KIAA0586: variants seen among roughly 807,000 people sequenced by gnomAD.
KIAA0586 encodes protein TALPID3.
A neutral mutation model predicts 169.8 loss-of-function variants in KIAA0586; 144 were observed. That is an observed-to-expected ratio of 0.85 (90% CI 0.74 to 0.97). The LOEUF (loss-of-function observed/expected upper bound fraction) is 0.97. KIAA0586 is among the 50% of genes least tolerant of loss of function. The pLI is 0.00. For synonymous variants in KIAA0586, 625 were observed against 612.4 expected (o/e 1.02, Z -0.30); for missense variants, 1,854 against 1,823.0 (o/e 1.02, Z -0.31).
At chr14:58,443,159 T>TA (rs1345905729) in intron 5 of KIAA0586, among the ~76,000 whole-genome samples, 2 of 152,204 alleles carry the variant, frequency 1.3e-5, no homozygotes, top group Non-Finnish European at 2.9e-5. Context: ...GCAACCTGGA[T>TA]AATCGGTTAT....
Position 58,540,103 on chromosome 14 carries a change from G to T in KIAA0586, c.4462G>T (p.Glu1488Ter), listed in dbSNP as rs868681880. ...SPGDMDRTQI[E>*]LNPYLTCVFS... ...AGGTGATATGGATCGGACACAAATT[G>T]AGCTTAATCCGTACCTCACATGTGT... The change falls in exon 30 of 31, where the codon GAG becomes TAG. Residue 1488 changes from glutamate to a stop codon, truncating the protein, a stop_gained. Coordinates refer to ENST00000652326, the MANE Select transcript of KIAA0586 (RefSeq NM_001329943.3). LOFTEE classifies it low-confidence loss of function (END_TRUNC). 2 of 1,563,428 alleles carry T rather than the reference G, an allele frequency of 1.3e-6. No individual in the cohort carries two copies. Among genetic ancestry groups the T allele is most frequent in the East Asian group, 2.3e-5 (1 of 42,976 alleles).
At chr14:58,435,016 TG>T (rs752330331) in intron 4 of KIAA0586, among the ~76,000 whole-genome samples, 31 of 152,318 alleles carry the variant, frequency 2.0e-4, no homozygotes, top group East Asian at 1.9e-4. Context: ...CTCAAACTCC[TG>T]GGCACAAGAA....
At chr14:58,431,899 A>G (rs2037404877) in intron 3 of KIAA0586, among the ~76,000 whole-genome samples, 1 of 152,190 alleles carries the variant, frequency 6.6e-6, no homozygotes, top group Non-Finnish European at 1.5e-5. Flanking sequence ...TAGAAACGCT[A>G]CTGATTTTTG....
chr14:58,542,261 G>A (rs370882841), intron 30 of KIAA0586, among the ~76,000 whole-genome samples: 34 of 152,080 alleles, frequency 2.2e-4, no homozygotes, highest in African/African-American at 7.2e-4. Context: ...GGCAGATCAC[G>A]GGGTCAGGAG....
intron 29 of KIAA0586, among the ~76,000 whole-genome samples, chr14:58,527,437 G>C (rs1438356919): frequency 6.6e-6 from 1 of 152,172 alleles, no homozygotes; most frequent in Non-Finnish European, 1.5e-5. Flanking sequence ...AGGAAAAAAT[G>C]TTAAGGGCAG....
intron 30 of KIAA0586, among the ~76,000 whole-genome samples, chr14:58,546,834 T>G (rs577279202): frequency 6.6e-6 from 1 of 152,322 alleles, no homozygotes; most frequent in East Asian, 1.9e-4. Flanking sequence ...GTGGGAATTT[T>G]TTTTCATATT....
At chr14:58,552,950 T>G, downstream of KIAA0586, among the ~76,000 whole-genome samples, 1 of 152,236 alleles carries the variant, frequency 6.6e-6, no homozygotes, top group East Asian at 1.9e-4. Flanking sequence ...GGTGCTACAT[T>G]ATAAGTAAAT....
At chr14:58,439,879 G>A (rs1419524202) in intron 4 of KIAA0586, 11 of 959,596 alleles carry the variant, frequency 1.1e-5, no homozygotes, top group Admixed American at 1.2e-4. Context: ...GACTCTCTTA[G>A]GGACTCTTCA....
intron 27 of KIAA0586, among the ~76,000 whole-genome samples, chr14:58,501,253 A>C (rs896720870): frequency 8.5e-5 from 13 of 152,246 alleles, no homozygotes; most frequent in African/African-American, 3.1e-4. Flanking sequence ...TTCCCATGTG[A>C]ATAAATGTAA....
At chr14:58,467,458 A>C (rs778126998) in intron 15 of KIAA0586, among the ~76,000 whole-genome samples, 3 of 152,192 alleles carry the variant, frequency 2.0e-5, no homozygotes, top group Non-Finnish European at 4.4e-5. Flanking sequence ...AAAGTTTTTG[A>C]CATTTTAAAA....
chr14:58,458,441 A>T (rs2040050964), intron 11 of KIAA0586, 32 bp from the exon 12 acceptor site: 2 of 1,262,904 alleles, frequency 1.6e-6, no homozygotes, highest in Non-Finnish European at 2.2e-6. Flanking sequence ...AGTAAGTGCT[A>T]ATTTAAGAAA....
At chr14:58,533,757 T>C (rs1482055565) in intron 29 of KIAA0586, among the ~76,000 whole-genome samples, 1 of 152,130 alleles carries the variant, frequency 6.6e-6, no homozygotes, top group Non-Finnish European at 1.5e-5. Flanking sequence ...AACGTAGAAC[T>C]TGGACTGGCC....
At position 58,521,838 on chromosome 14, in the gene KIAA0586, C is replaced by T. The variant is rs79003445; in HGVS notation, c.4429+9211C>T. On this transcript the variant is annotated intron_variant, in intron 29 of 30. Transcript: ENST00000652326. ...GACTAATGTGAAGGTGGAGTCGGAG[C>T]GGGGTGCAGATGACTTTGCTGAGGA... 5.8e-4 allele frequency: 518 copies of T among 888,104 alleles called. 3 individuals carry two copies. The East Asian group carries it at 0.012, about 21-fold the overall frequency. 55.0% of individuals were successfully genotyped at this position (888,104 alleles called of 1,614,324 possible). A position where few individuals can be genotyped will look rare whatever the true frequency, so the allele number is the denominator to read the frequency against.
chr14:58,546,132 A>G (rs546937335), intron 30 of KIAA0586, among the ~76,000 whole-genome samples: 1 of 152,316 alleles, frequency 6.6e-6, no homozygotes, highest in East Asian at 1.9e-4. Context: ...CCTATTTGAA[A>G]TATTCTATTT....
At chr14:58,495,036 ACTGT>A (rs1035431204) in intron 26 of KIAA0586, among the ~76,000 whole-genome samples, 1 of 151,992 alleles carries the variant, frequency 6.6e-6, no homozygotes, top group Non-Finnish European at 1.5e-5. Context: ...GTTTGAGTTA[ACTGT>A]CTGTCTTTCC....
intron 29 of KIAA0586, 66 bp downstream of exon 29, chr14:58,512,693 G>T: frequency 1.1e-6 from 1 of 913,776 alleles, no homozygotes; most frequent in Non-Finnish European, 1.6e-6. Context: ...ACAAATATGA[G>T]AATTCTTTAC....
intron 29 of KIAA0586, chr14:58,521,737 A>G (rs757943009): frequency 1.2e-6 from 1 of 828,790 alleles, no homozygotes; most frequent in Admixed American, 1.7e-5. Context: ...GAAAAGGAAC[A>G]GGGGAAACAA....
chr14:58,428,332 A>G lies in KIAA0586; in HGVS notation c.68A>G (p.Glu23Gly), dbSNP rs2037028273. The change falls in exon 1 of 31, where the codon GAG becomes GGG. Residue 23 changes from glutamate to glycine, a missense_variant. Glu to Gly is a moderately conservative substitution (Grantham distance 98, BLOSUM62 -2). Coordinates refer to ENST00000652326, the MANE Select transcript of KIAA0586 (RefSeq NM_001329943.3). ...AAGATGCCAGTGAAGAGACTTCGTG[A>G]GGTAGTTTCTCAAAATCATGGAGAT... ...KIKMPVKRLR[E>G]VVSQNHGDHL... The G allele has an allele frequency of 1.2e-6, 2 of 1,613,790 alleles. No homozygotes were observed. The highest frequency in any genetic ancestry group is 2.2e-5 in the East Asian group (1 of 44,888).
At chr14:58,526,216 C>T (rs1190050252) in intron 29 of KIAA0586, among the ~76,000 whole-genome samples, 1 of 152,220 alleles carries the variant, frequency 6.6e-6, no homozygotes, top group Non-Finnish European at 1.5e-5. Context: ...TGCTAAGGGA[C>T]AGACTGCCTC....
Sources: allele counts gnomAD v4.1 joint callset (sites outside exome capture counted in the v4.1 genomes callset), GRCh38; gene constraint gnomAD v4.1.1; transcripts MANE v1.5; gene names NCBI Gene and HGNC (gene_info 2026-07-23, HGNC 2026-07-21).